PIGZ: variants seen among roughly 807,000 people sequenced by gnomAD.
PIGZ encodes phosphatidylinositol glycan anchor biosynthesis class Z (Gwada blood group).
PIGZ carries 16 observed loss-of-function variants against 16.4 expected under a neutral mutation model. That is an observed-to-expected ratio of 0.97 (90% CI 0.66 to 1.48). The LOEUF is 1.48. Ranked by LOEUF, PIGZ falls within the 40% of genes most tolerant of loss-of-function variation. The pLI is 0.00. For missense variants in PIGZ, 770 were observed against 739.2 expected (o/e 1.04, Z -0.48); for synonymous variants, 409 against 338.4 (o/e 1.21, Z -2.29).
At chr3:196,960,379 A>G (rs1406843548) in intron 1 of PIGZ, among the ~76,000 whole-genome samples, 1 of 152,170 alleles carries the variant, frequency 6.6e-6, no homozygotes, top group Non-Finnish European at 1.5e-5. Flanking sequence ...CATTTGCTAA[A>G]AGAAAATAAC....
Position 196,959,643 on chromosome 3 carries a change from C to T in PIGZ, c.1-7612G>A, listed in dbSNP as rs1717630444. ...CTACTACTACCTTTCTCTCCTCCTC[C>T]TCCCTTCACAGGGATCCTCAAACCA... On this transcript the variant is annotated intron_variant, in intron 1 of 2. Coordinates refer to ENST00000412723, the MANE Select transcript of PIGZ (RefSeq NM_025163.4). 3.9e-5 allele frequency among the ~76,000 whole-genome samples: 6 copies of T among 152,218 alleles called. No individual in the cohort carries two copies. The South Asian group carries it at 1.0e-3, about 26-fold the overall frequency.
At chr3:196,968,251 T>C (rs533733490) in intron 1 of PIGZ, among the ~76,000 whole-genome samples, 10 of 152,316 alleles carry the variant, frequency 6.6e-5, no homozygotes, top group African/African-American at 2.4e-4. Flanking sequence ...CTCAGAGCTT[T>C]GCAGCGTGGC....
chr3:196,955,650 C>T (rs1468211383), intron 1 of PIGZ, among the ~76,000 whole-genome samples: 1 of 147,284 alleles, frequency 6.8e-6, no homozygotes, highest in African/African-American at 2.5e-5. Flanking sequence ...GATCTTGGCT[C>T]ACTGCAACCT....
rs765593884 is a variant in PIGZ at position 196,947,307 on chromosome 3, G to C, written c.1590C>G (p.Ala530=). Residue 530 remains alanine (A), a synonymous_variant, in exon 3 of 3, where the codon GCC becomes GCG. Transcript: ENST00000412723. ...FVVTPGTTRR[A]VEKCSFPFKN... ...TGAAGGGGAAGCTGCACTTCTCCACGGCACGCCTGGTGGTGCCAGGGGTTA... is the reference window on the plus strand; with the variant it reads ...TGAAGGGGAAGCTGCACTTCTCCACCGCACGCCTGGTGGTGCCAGGGGTTA... 6.2e-7 allele frequency: 1 copy of C among 1,614,166 alleles called. No individual in the cohort carries two copies.
At chr3:196,966,957 G>C (rs1398840300) in intron 1 of PIGZ, among the ~76,000 whole-genome samples, 1 of 152,110 alleles carries the variant, frequency 6.6e-6, no homozygotes, top group Non-Finnish European at 1.5e-5. Context: ...CCAGAGTCGT[G>C]GAGATTGGAC....
chr3:196,956,165 C>T (rs187918933), intron 1 of PIGZ, among the ~76,000 whole-genome samples: 99 of 152,086 alleles, frequency 6.5e-4, no homozygotes, highest in Non-Finnish European at 1.0e-3. Context: ...TTTGGCTTCT[C>T]GAACCTGTGG....
At chr3:196,948,812 G>C (rs538366101) in intron 2 of PIGZ, 127 bp from the exon 3 acceptor site, 15 of 548,656 alleles carry the variant, frequency 2.7e-5, no homozygotes, top group Non-Finnish European at 4.2e-5. Context: ...GACTGTGCAC[G>C]GGCTGGATTT....
chr3:196,949,036 T>G lies in PIGZ; in HGVS notation c.212-351A>C. Among the ~76,000 whole-genome samples, 3 of 36,306 alleles carry G rather than the reference T, an allele frequency of 8.3e-5. 1 individual carries two copies. Among genetic ancestry groups the G allele is most frequent in the Non-Finnish European group, 1.4e-4 (3 of 21,272 alleles). The allele number at this position is 36,306 out of a possible 152,430, so 23.8% of individuals were successfully genotyped here. On this transcript the variant is annotated intron_variant, in intron 2 of 2. Transcript: ENST00000412723. ...CCTCCCCTCCCTTCCCTTCCTTCCC[T>G]TCCTTCCTTCCCTTCCCTTCCTTCC...
rs1489501774 is a variant in PIGZ, at chr3:196,950,509, C to A, written c.211+1312G>T. ...TCATACAGCCTGCGGATCATTCGGG[C>A]TCTTTGATTCTGCTACTTATTTCTC... On this transcript the variant is annotated intron_variant, in intron 2 of 2. Transcript: ENST00000412723. Among the ~76,000 whole-genome samples, 4 of 152,130 alleles carry A rather than the reference C, an allele frequency of 2.6e-5. No homozygotes were observed. In the East Asian group the frequency reaches 7.7e-4, roughly 29 times the overall value.
intron 1 of PIGZ, among the ~76,000 whole-genome samples, chr3:196,954,247 A>T (rs1346933846): frequency 6.6e-6 from 1 of 152,136 alleles, no homozygotes; most frequent in Non-Finnish European, 1.5e-5. Context: ...ATCACACCAC[A>T]GCACCCTAGC....
chr3:196,947,423 C>G lies in PIGZ; in HGVS notation c.1474G>C (p.Asp492His). The G allele has an allele frequency of 1.2e-6, 2 of 1,613,826 alleles. No individual in the cohort carries two copies. Among genetic ancestry groups the G allele is most frequent in the Non-Finnish European group, 1.7e-6 (2 of 1,180,034 alleles). ...VEVVDMGGTE[D>H]WALCQTLKSF... ...TTCAGGGTTTGGCACAGGGCCCAGT[C>G]CTCAGTCCCCCCCATGTCCACCACC... The change falls in exon 3 of 3, where the codon GAC becomes CAC. Residue 492 changes from aspartate (D) to histidine (H), a missense_variant. Asp to His is a moderately conservative substitution (Grantham distance 81). Transcript: ENST00000412723.
At chr3:196,948,725 G>T in intron 2 of PIGZ, 40 bp from the exon 3 acceptor site, 1 of 1,402,620 alleles carries the variant, frequency 7.1e-7, no homozygotes, top group South Asian at 1.6e-5. Flanking sequence ...CCAAGCTCAG[G>T]GATGTAGTGG....
intron 1 of PIGZ, among the ~76,000 whole-genome samples, chr3:196,962,488 T>C (rs1226782803): frequency 1.3e-5 from 2 of 152,130 alleles, no homozygotes; most frequent in African/African-American, 4.8e-5. Flanking sequence ...CTGAGGAGGA[T>C]TACTGAAAGA....
intron 1 of PIGZ, among the ~76,000 whole-genome samples, chr3:196,958,471 A>C (rs972803664): frequency 1.4e-4 from 22 of 152,152 alleles, no homozygotes; most frequent in Non-Finnish European, 1.6e-4. Context: ...TCTCTCCTAA[A>C]AATACAAAAA....
intron 2 of PIGZ, among the ~76,000 whole-genome samples, chr3:196,951,005 C>A (rs1440439470): frequency 6.6e-6 from 1 of 152,134 alleles, no homozygotes. Flanking sequence ...CTCAGCCTCC[C>A]AGAGTGCTGG....
intron 1 of PIGZ, among the ~76,000 whole-genome samples, chr3:196,957,171 TTGTGTGTG>T (rs3042833): frequency 1.4e-4 from 20 of 146,706 alleles, no homozygotes; most frequent in African/African-American, 4.3e-4. Flanking sequence ...GCTCCAGGTT[TTGTGTGTG>T]TGTGTGTGTG....
In PIGZ at chr3:196,947,501, A is replaced by G. The variant is rs1251729166; in HGVS notation, c.1396T>C (p.Tyr466His). ...THYTLLFTHT[Y>H]MPPRHLLHLP... The stretch of plus-strand genomic sequence containing the variant: ...TGTAGGAGGTGCCGGGGGGGCATGT[A>G]GGTGTGAGTGAAGAGGAGTGTGTAG... Residue 466 changes from tyrosine (Y) to histidine (H), a missense_variant, in exon 3 of 3, where the codon TAC becomes CAC. By Grantham distance (83) the Tyr-to-His change is moderately conservative. Transcript: ENST00000412723. The G allele has an allele frequency of 5.0e-6, 8 of 1,613,600 alleles. No homozygotes were observed. Among genetic ancestry groups the G allele is most frequent in the South Asian group, 1.1e-5 (1 of 91,078 alleles).
At position 196,957,381 on chromosome 3, in the gene PIGZ, CT is replaced by C. The variant is rs34320533; in HGVS notation, c.1-5351del. On this transcript the variant is annotated intron_variant, in intron 1 of 2. Transcript: ENST00000412723. ...TAGGGATGGAATAATTTTTTTCTTCCTTTTTTTTTTTTTCTTTCCGAGACAG... is the reference window on the plus strand; with the variant it reads ...TAGGGATGGAATAATTTTTTTCTTCCTTTTTTTTTTTTCTTTCCGAGACAG... Among the ~76,000 whole-genome samples, 883 of 143,518 alleles carry C rather than the reference CT, an allele frequency of 6.2e-3. 12 individuals are homozygous for C. The highest frequency in any genetic ancestry group is 0.021 in the African/African-American group (802 of 38,964). The allele number at this position is 143,518 out of a possible 152,430, so 94.2% of individuals were successfully genotyped here. A position where few individuals can be genotyped will look rare whatever the true frequency, so the allele number is the denominator to read the frequency against.
intron 1 of PIGZ, among the ~76,000 whole-genome samples, chr3:196,960,058 A>C (rs779960092): frequency 6.6e-6 from 1 of 152,190 alleles, no homozygotes; most frequent in Non-Finnish European, 1.5e-5. Context: ...CTTTGTGGGA[A>C]TGGAGGACAC....
Sources: gnomAD v4.1 joint callset for allele counts (sites outside exome capture counted in the v4.1 genomes callset) on GRCh38, gnomAD v4.1.1 for gene constraint, MANE v1.5 for transcripts, NCBI Gene and HGNC (gene_info 2026-07-23, HGNC 2026-07-21) for gene names.